FAF1: variants seen among roughly 807,000 people sequenced by gnomAD.
FAF1 encodes FAS-associated factor 1.
FAF1 carries 25 observed loss-of-function variants against 92.5 expected under a neutral mutation model. The ratio of observed to expected loss-of-function variants is 0.27; its 90% CI spans 0.20 to 0.38. The LOEUF is 0.38. FAF1 is among the 10% of genes least tolerant of loss of function. The pLI is 1.00. For synonymous variants in FAF1, 234 were observed against 273.2 expected (o/e 0.86, Z 1.42); for missense variants, 636 against 793.3 (o/e 0.80, Z 2.38).
chr1:50,934,693 C>T (rs1645072962), intron 1 of FAF1, among the ~76,000 whole-genome samples: 1 of 152,182 alleles, frequency 6.6e-6, no homozygotes, highest in Non-Finnish European at 1.5e-5. Context: ...CACTGCACTC[C>T]AGCCTGGGTG....
At chr1:50,595,569 T>G (rs985430968) in intron 9 of FAF1, among the ~76,000 whole-genome samples, 12 of 152,048 alleles carry the variant, frequency 7.9e-5, no homozygotes, top group African/African-American at 2.9e-4. Flanking sequence ...TTGAGATGCA[T>G]TCTCATGCTG....
rs189145197 is a variant in FAF1 at position 50,757,118 on chromosome 1, G to A, written c.368-12343C>T. On this transcript the variant is annotated intron_variant, in intron 4 of 18. Coordinates refer to ENST00000396153, the MANE Select transcript of FAF1 (RefSeq NM_007051.3). Reference sequence around the variant, plus strand: ...TAATTCCATTGTTGCCAGAACACTTGTCACTTAATTTAAACAATTTTAAAT... The same window carrying A: ...TAATTCCATTGTTGCCAGAACACTTATCACTTAATTTAAACAATTTTAAAT... Among the ~76,000 whole-genome samples the A allele has an allele frequency of 1.8e-3, 278 of 152,182 alleles. 1 individual carries two copies. The highest frequency in any genetic ancestry group is 6.8e-3 in the Middle Eastern group (2 of 294).
intron 2 of FAF1, among the ~76,000 whole-genome samples, chr1:50,813,364 A>G (rs1557539956): frequency 6.6e-6 from 1 of 152,184 alleles, no homozygotes; most frequent in African/African-American, 2.4e-5. Context: ...AACCATTGCT[A>G]ATATTTTAGT....
At chr1:50,477,844 G>A (rs1420907250) in intron 17 of FAF1, among the ~76,000 whole-genome samples, 2 of 152,160 alleles carry the variant, frequency 1.3e-5, no homozygotes, top group African/African-American at 2.4e-5. Context: ...GCACTTGGAA[G>A]GGAAGGAATA....
At chr1:50,562,514 C>G (rs943131634) in intron 13 of FAF1, among the ~76,000 whole-genome samples, 20 of 152,176 alleles carry the variant, frequency 1.3e-4, no homozygotes, top group African/African-American at 4.6e-4. Flanking sequence ...ACTAGGAATG[C>G]TACTATGGTA....
chr1:50,848,462 T>C (rs1487786648), intron 2 of FAF1, among the ~76,000 whole-genome samples: 1 of 152,148 alleles, frequency 6.6e-6, no homozygotes, highest in Non-Finnish European at 1.5e-5. Flanking sequence ...CAATGGAGAA[T>C]AAAAAATTCA....
At chr1:50,870,790 C>A (rs1644521439) in intron 1 of FAF1, among the ~76,000 whole-genome samples, 1 of 152,164 alleles carries the variant, frequency 6.6e-6, no homozygotes, top group South Asian at 2.1e-4. Flanking sequence ...CTCTCAGACA[C>A]AATATTGAAA....
At chr1:50,929,336 T>G (rs958162506) in intron 1 of FAF1, among the ~76,000 whole-genome samples, 15 of 152,094 alleles carry the variant, frequency 9.9e-5, no homozygotes, top group Non-Finnish European at 1.2e-4. Flanking sequence ...CTACATTGAG[T>G]ACTAGTATAT....
chr1:50,617,667 G>A (rs1329355198), intron 8 of FAF1, among the ~76,000 whole-genome samples: 1 of 149,560 alleles, frequency 6.7e-6, no homozygotes, highest in Non-Finnish European at 1.5e-5. Context: ...CACAGCATGA[G>A]CTAGGGAAGG....
At chr1:50,858,971 C>T (rs1644411876) in intron 1 of FAF1, among the ~76,000 whole-genome samples, 2 of 151,728 alleles carry the variant, frequency 1.3e-5, no homozygotes, top group Admixed American at 6.6e-5. Context: ...TCTTGGGATA[C>T]AAGGTTGGTT....
intron 13 of FAF1, among the ~76,000 whole-genome samples, chr1:50,551,267 T>G (rs1649299148): frequency 1.3e-5 from 2 of 152,198 alleles, no homozygotes; most frequent in Non-Finnish European, 2.9e-5. Context: ...GGAGCAAGAA[T>G]GTTTTCCCAA....
Position 50,671,708 on chromosome 1 carries a change from A to C in FAF1, c.658-16180T>G, listed in dbSNP as rs17106353. On this transcript the variant is annotated intron_variant, in intron 7 of 18. Transcript: ENST00000396153. Reference sequence around the variant, plus strand: ...CTCAGATTCAATACCTTATCGATTCATTAAGTACCTACTGAACATTTTAAT... The same window carrying C: ...CTCAGATTCAATACCTTATCGATTCCTTAAGTACCTACTGAACATTTTAAT... 6.4e-3 allele frequency among the ~76,000 whole-genome samples: 975 copies of C among 152,034 alleles called. 19 individuals carry two copies. The highest frequency in any genetic ancestry group is 0.022 in the African/African-American group (930 of 41,506).
At chr1:50,926,591 CAA>C (rs530690324) in intron 1 of FAF1, among the ~76,000 whole-genome samples, 4 of 135,960 alleles carry the variant, frequency 2.9e-5, no homozygotes, top group African/African-American at 1.1e-4. Context: ...ATGTTCTCAA[CAA>C]AAAAAAAAAG....
chr1:50,651,760 T>G (rs1384468304), intron 8 of FAF1, among the ~76,000 whole-genome samples: 1 of 152,232 alleles, frequency 6.6e-6, no homozygotes, highest in East Asian at 1.9e-4. Context: ...CTGTGAGGAC[T>G]ATTTTGTTTT....
chr1:50,478,248 C>T (rs1267056132), intron 17 of FAF1, among the ~76,000 whole-genome samples: 3 of 151,656 alleles, frequency 2.0e-5, no homozygotes, highest in African/African-American at 7.3e-5. Flanking sequence ...TCTGCAACCT[C>T]CGTCTCCCAG....
At chr1:50,446,874 C>T (rs1646232914) in intron 18 of FAF1, among the ~76,000 whole-genome samples, 1 of 151,904 alleles carries the variant, frequency 6.6e-6, no homozygotes, top group Non-Finnish European at 1.5e-5. Flanking sequence ...TGGAAATCAG[C>T]CCCACTCTGT....
intron 4 of FAF1, among the ~76,000 whole-genome samples, chr1:50,753,008 C>T (rs893764360): frequency 1.3e-5 from 2 of 152,122 alleles, no homozygotes; most frequent in Non-Finnish European, 2.9e-5. Flanking sequence ...AAGGTCTTAA[C>T]GGCTTCATTA....
At position 50,701,956 on chromosome 1, in the gene FAF1, A is replaced by G. The variant is rs1207506259; in HGVS notation, c.657+3830T>C. 2.6e-5 allele frequency among the ~76,000 whole-genome samples: 4 copies of G among 152,122 alleles called. 1 individual carries two copies. Among genetic ancestry groups the G allele is most frequent in the African/African-American group, 7.2e-5 (3 of 41,456 alleles). On this transcript the variant is annotated intron_variant, in intron 7 of 18. Coordinates refer to ENST00000396153, the MANE Select transcript of FAF1 (RefSeq NM_007051.3). ...ATTTAAATAATTCCAATAGCTATTC[A>G]TCATGCTTCTTGTTGTAACAGATAA...
chr1:50,687,480 T>C (rs138506854), intron 7 of FAF1, among the ~76,000 whole-genome samples: 1 of 152,130 alleles, frequency 6.6e-6, no homozygotes, highest in African/African-American at 2.4e-5. Flanking sequence ...CCGGGTGCGA[T>C]GGCTCATGCC....
Sources: allele counts gnomAD v4.1 joint callset (sites outside exome capture counted in the v4.1 genomes callset), GRCh38; gene constraint gnomAD v4.1.1; transcripts MANE v1.5; gene names NCBI Gene and HGNC (gene_info 2026-07-23, HGNC 2026-07-21).